Variants in SSBP3 observed in about 807,000 individuals in gnomAD.
The protein encoded by SSBP3 is single stranded DNA binding protein 3.
In SSBP3, 5 loss-of-function variants were observed where a neutral mutation model predicts 69.6. The ratio of observed to expected loss-of-function variants is 0.07; its 90% CI spans 0.04 to 0.15. SSBP3 has a LOEUF of 0.15. Among genes scored for constraint, SSBP3 ranks in the 10% least tolerant of loss-of-function variants. SSBP3 has a pLI of 1.00. For synonymous variants in SSBP3, 196 were observed against 193.4 expected, an observed-to-expected ratio of 1.01 and a Z score of -0.11; for missense variants, 312 against 534.0, an observed-to-expected ratio of 0.58 and a Z score of 4.10.
At chr1:54,398,304 G>A (rs1649039537) in intron 4 of SSBP3, among the ~76,000 whole-genome samples, 1 of 152,228 alleles carries the variant, frequency 6.6e-6, no homozygotes, top group African/African-American at 2.4e-5. Flanking sequence ...GCAGGTATGT[G>A]TAGTGTAAGA....
chr1:54,227,974 C>T (rs1644315450), intron 17 of SSBP3, among the ~76,000 whole-genome samples: 1 of 152,192 alleles, frequency 6.6e-6, no homozygotes. Context: ...CAATACTGCC[C>T]CAACTCTCTC....
intron 4 of SSBP3, among the ~76,000 whole-genome samples, chr1:54,320,724 A>C (rs1225973286): frequency 6.6e-6 from 1 of 152,184 alleles, no homozygotes; most frequent in Non-Finnish European, 1.5e-5. Context: ...GCAGACACAG[A>C]GGCACAGGCC....
At chr1:54,370,375 G>A (rs886689941) in intron 4 of SSBP3, among the ~76,000 whole-genome samples, 8 of 152,216 alleles carry the variant, frequency 5.3e-5, no homozygotes, top group Non-Finnish European at 1.2e-4. Flanking sequence ...TGGCTGACTA[G>A]AAGGCTGTGT....
At chr1:54,313,686 G>A (rs565119435) in intron 4 of SSBP3, among the ~76,000 whole-genome samples, 1 of 150,438 alleles carries the variant, frequency 6.6e-6, no homozygotes, top group Admixed American at 6.7e-5. Context: ...TGCAGTGCTC[G>A]TAAGCAGATG....
At chr1:54,398,964 G>C (rs1649092681) in intron 4 of SSBP3, among the ~76,000 whole-genome samples, 1 of 152,118 alleles carries the variant, frequency 6.6e-6, no homozygotes, top group African/African-American at 2.4e-5. Flanking sequence ...CACTCTACTT[G>C]ATTTTCTAAA....
chr1:54,361,017 G>A (rs1646944178), intron 4 of SSBP3, among the ~76,000 whole-genome samples: 1 of 152,088 alleles, frequency 6.6e-6, no homozygotes, highest in South Asian at 2.1e-4. Flanking sequence ...TTGAGCCCAG[G>A]AGGTTGAGGC....
chr1:54,377,118 GAC>G (rs1281858907), intron 4 of SSBP3, among the ~76,000 whole-genome samples: 4 of 152,368 alleles, frequency 2.6e-5, no homozygotes, highest in Non-Finnish European at 4.4e-5. Context: ...GGCTGGCAAA[GAC>G]ACTACGGTTA....
At chr1:54,350,529 C>T (rs1036982032) in intron 4 of SSBP3, among the ~76,000 whole-genome samples, 6 of 152,214 alleles carry the variant, frequency 3.9e-5, no homozygotes, top group East Asian at 1.9e-4. Context: ...GAGATTTATA[C>T]GCGTATGGCC....
At chr1:54,356,063 C>T (rs376499173) in intron 4 of SSBP3, among the ~76,000 whole-genome samples, 2 of 152,332 alleles carry the variant, frequency 1.3e-5, no homozygotes, top group Non-Finnish European at 2.9e-5. Flanking sequence ...AAACCAACCC[C>T]TACATCTTCT....
At chr1:54,406,122 T>A in exon 1 of SSBP3, 3 of 751,038 alleles carry the variant, frequency 4.0e-6, no homozygotes, top group Non-Finnish European at 5.6e-6. Context: ...GCTCGCTCGC[T>A]CTCTCGCTCG....
At position 54,276,619 on chromosome 1, in the gene SSBP3, A is replaced by C. The variant is rs1490641515; in HGVS notation, c.366+4819T>G. On this transcript the variant is annotated intron_variant, in intron 5 of 17. Transcript: ENST00000610401. Reference sequence around the variant, plus strand: ...GTGAGACTCTGTCTCAAAAAAAAAAAAAAAAAAAAAAAAAGGTGTCAGCTA... The same window carrying C: ...GTGAGACTCTGTCTCAAAAAAAAAACAAAAAAAAAAAAAAGGTGTCAGCTA... 1.1e-4 allele frequency among the ~76,000 whole-genome samples: 16 copies of C among 150,478 alleles called. 1 individual carries two copies. The East Asian group carries it at 1.4e-3, about 13-fold the overall frequency.
Position 54,239,115 on chromosome 1 carries a change from G to A in SSBP3, c.927+14C>T, listed in dbSNP as rs766571764. ...ATGGTGTCTGATATGTAAATTATTA[G>A]AAAGCAGACTTACGTTGGACCGGCT... On this transcript the variant is annotated intron_variant, in intron 14 of 17. Transcript: ENST00000610401. 6.2e-7 allele frequency: 1 copy of A among 1,609,470 alleles called. No individual in the cohort carries two copies. The highest frequency in any genetic ancestry group is 2.2e-5 in the East Asian group (1 of 44,864).
chr1:54,411,728 T>C (rs575414795), intron 1 of SSBP3, among the ~76,000 whole-genome samples: 3 of 151,228 alleles, frequency 2.0e-5, no homozygotes, highest in Non-Finnish European at 4.4e-5. Context: ...CCGTCTCTAC[T>C]AAAAATACAA....
At chr1:54,262,776 T>C (rs1645038009) in intron 5 of SSBP3, among the ~76,000 whole-genome samples, 1 of 152,166 alleles carries the variant, frequency 6.6e-6, no homozygotes, top group South Asian at 2.1e-4. Flanking sequence ...TCAGAGCTCT[T>C]TCCACTGCAC....
chr1:54,261,714 G>C (rs1446649716), intron 5 of SSBP3, among the ~76,000 whole-genome samples: 2 of 152,220 alleles, frequency 1.3e-5, no homozygotes, highest in Non-Finnish European at 2.9e-5. Context: ...CCCTCCATGA[G>C]AGCTGGATGC....
At position 54,258,577 on chromosome 1, in the gene SSBP3, G is replaced by A. The variant is rs1644963779; in HGVS notation, c.367-428C>T. ...TGCACGGGAGGTGGGGAAAGATCGGGAAGGGCCCTGCCCTCAAGGAGCTCA... is the reference window on the plus strand; with the variant it reads ...TGCACGGGAGGTGGGGAAAGATCGGAAAGGGCCCTGCCCTCAAGGAGCTCA... On this transcript the variant is annotated intron_variant, in intron 5 of 17. Coordinates refer to ENST00000610401, the Ensembl canonical transcript of SSBP3. The surrounding 1 kb of genome is among the most constrained non-coding windows in gnomAD (Gnocchi z 4.5). Among the ~76,000 whole-genome samples the A allele has an allele frequency of 6.6e-6, 1 of 152,178 alleles. No homozygotes were observed. The highest frequency in any genetic ancestry group is 2.1e-4 in the South Asian group (1 of 4,832).
At chr1:54,380,295 T>TTCC (rs1647522439) in intron 4 of SSBP3, among the ~76,000 whole-genome samples, 1 of 152,058 alleles carries the variant, frequency 6.6e-6, no homozygotes. Flanking sequence ...CTCCCCATGG[T>TTCC]TCCTCCTCAC....
chr1:54,257,639 G>A (rs1644945481), intron 6 of SSBP3, among the ~76,000 whole-genome samples: 1 of 152,128 alleles, frequency 6.6e-6, no homozygotes, highest in Non-Finnish European at 1.5e-5. Context: ...GGGGAGCAAG[G>A]ACTGGGGGGG....
exon 18 of SSBP3, chr1:54,225,585 C>T: frequency 4.1e-6 from 2 of 482,518 alleles, no homozygotes; most frequent in Non-Finnish European, 6.5e-6. Context: ...TCCCAATAAT[C>T]CGCACAAAGT....
Sources: gnomAD v4.1 joint callset for allele counts (sites outside exome capture counted in the v4.1 genomes callset) on GRCh38, gnomAD v4.1.1 for gene constraint, Gnocchi (gnomAD v3.1) non-coding constraint, MANE v1.5 for transcripts, NCBI Gene and HGNC (gene_info 2026-07-23, HGNC 2026-07-21) for gene names.